Variants in FBXO34 observed in about 807,000 individuals in gnomAD.
FBXO34 encodes the protein F-box only protein 34.
Under a neutral mutation model 24.5 loss-of-function variants are expected in FBXO34, and 12 were observed. The ratio of observed to expected loss-of-function variants is 0.49; its 90% CI spans 0.31 to 0.79. The LOEUF is 0.79. Among genes scored for constraint, FBXO34 ranks in the 30% least tolerant of loss-of-function variants. FBXO34 has a pLI of 0.04. For synonymous variants in FBXO34, 320 were observed against 311.9 expected (o/e 1.03, Z -0.27); for missense variants, 823 against 857.7 (o/e 0.96, Z 0.51).
At chr14:55,411,582 G>C in the FBXO34 span, 1 of 1,589,806 alleles carries the variant, frequency 6.3e-7, no homozygotes, top group Non-Finnish European at 8.6e-7. Context: ...GAAACAATAG[G>C]GCCGTGGCGG....
chr14:55,304,436 C>G (rs1293565717), intron 1 of FBXO34, among the ~76,000 whole-genome samples: 1 of 152,012 alleles, frequency 6.6e-6, no homozygotes, highest in Non-Finnish European at 1.5e-5. Flanking sequence ...TCAAGCAGTC[C>G]TCCCTCTTCA....
At chr14:55,383,584 A>C in the FBXO34 span, among the ~76,000 whole-genome samples, 1 of 151,436 alleles carries the variant, frequency 6.6e-6, no homozygotes, top group South Asian at 2.1e-4. Context: ...AACAACAACA[A>C]CAACAAAAAA....
downstream of FBXO34, among the ~76,000 whole-genome samples, chr14:55,374,194 T>C (rs903778704): frequency 2.6e-5 from 4 of 151,428 alleles, no homozygotes; most frequent in African/African-American, 9.7e-5. Flanking sequence ...GAATTGCATT[T>C]TAAGTTTTTT....
downstream of FBXO34, among the ~76,000 whole-genome samples, chr14:55,371,907 G>A (rs1884827547): frequency 6.6e-6 from 1 of 152,196 alleles, no homozygotes; most frequent in South Asian, 2.1e-4. Flanking sequence ...GGTGAAAGGA[G>A]TAGGACTTTC....
intron 1 of FBXO34, among the ~76,000 whole-genome samples, chr14:55,336,465 T>A (rs1883777715): frequency 6.6e-6 from 1 of 152,168 alleles, no homozygotes; most frequent in Admixed American, 6.5e-5. Context: ...AATCGGACAG[T>A]TTGTGGGTCT....
downstream of FBXO34, chr14:55,369,522 C>CCAGA: frequency 3.4e-6 from 4 of 1,191,210 alleles, no homozygotes; most frequent in Non-Finnish European, 4.6e-6. Flanking sequence ...CCTCTTTGTT[C>CCAGA]CAGACACTAT....
At chr14:55,295,720 T>C (rs1389861262) in intron 1 of FBXO34, among the ~76,000 whole-genome samples, 1 of 152,226 alleles carries the variant, frequency 6.6e-6, no homozygotes, top group Non-Finnish European at 1.5e-5. Context: ...TCGCCATTTT[T>C]TCTTGCAGAA....
At chr14:55,314,567 G>A (rs1023730963) in intron 1 of FBXO34, among the ~76,000 whole-genome samples, 9 of 152,074 alleles carry the variant, frequency 5.9e-5, no homozygotes, top group Non-Finnish European at 1.0e-4. Flanking sequence ...TGAAAATAAG[G>A]GAGTTACAGA....
At chr14:55,288,371 A>G (rs1324102894) in intron 1 of FBXO34, among the ~76,000 whole-genome samples, 3 of 152,362 alleles carry the variant, frequency 2.0e-5, no homozygotes, top group Middle Eastern at 3.4e-3. Context: ...ACATACACTA[A>G]TCATAGCTGG....
At chr14:55,419,418 G>A in the FBXO34 span, among the ~76,000 whole-genome samples, 718 of 152,312 alleles carry the variant, frequency 4.7e-3, 5 homozygotes, top group African/African-American at 0.017. Context: ...TGACATATTT[G>A]CTGTTTGTTA....
At chr14:55,412,122 T>C in the FBXO34 span, among the ~76,000 whole-genome samples, 1 of 152,220 alleles carries the variant, frequency 6.6e-6, no homozygotes, top group East Asian at 1.9e-4. Flanking sequence ...TGTAATACCA[T>C]ACCCTAAGGA....
In FBXO34 at chr14:55,351,625, T is replaced by C. The variant is rs1214927715; in HGVS notation, c.1235T>C (p.Val412Ala). 33 of 1,614,152 alleles carry C rather than the reference T, an allele frequency of 2.0e-5. No individual in the cohort carries two copies. Among genetic ancestry groups the C allele is most frequent in the Non-Finnish European group, 2.6e-5 (31 of 1,180,022 alleles). Residue 412 changes from valine (V) to alanine (A), a missense_variant, in exon 2 of 2, where the codon GTT (valine) becomes GCT (alanine). Transcript: ENST00000313833. The stretch of plus-strand genomic sequence containing the variant: ...GATGTGGAAATGACAGATGAACTCG[T>C]TGGGTTACCTTTTTCCTCTCATACC... ...RYDVEMTDEL[V>A]GLPFSSHTYS...
chr14:55,350,703 C>T lies in FBXO34; in HGVS notation c.313C>T (p.Leu105Phe). The T allele has an allele frequency of 6.2e-7, 1 of 1,613,518 alleles. No homozygotes were observed. The highest frequency in any genetic ancestry group is 8.5e-7 in the Non-Finnish European group (1 of 1,179,898). ...TIHQGEEEGP[L>F]DIWAVVKPGN... ...CCACCAGGGCGAAGAAGAAGGACCA[C>T]TTGATATCTGGGCTGTTGTGAAACC... Residue 105 changes from leucine to phenylalanine, a missense_variant, in exon 2 of 2, where the codon CTT (leucine) becomes TTT (phenylalanine). This residue lies in a region of FBXO34 where 693 missense variants were observed against 659.1 expected (regional missense o/e 1.05). Coordinates refer to ENST00000313833, the MANE Select transcript of FBXO34 (RefSeq NM_017943.4).
At chr14:55,382,803 C>T in the FBXO34 span, among the ~76,000 whole-genome samples, 1 of 152,140 alleles carries the variant, frequency 6.6e-6, no homozygotes. Context: ...GTCTCAACAC[C>T]TCTCTACGTG....
chr14:55,402,943 ATATATATATATATATATATATAT>A, the FBXO34 span, among the ~76,000 whole-genome samples: 11 of 60,994 alleles, frequency 1.8e-4, no homozygotes, highest in African/African-American at 6.3e-4. Context: ...ATATATATAT[ATATATATATATATATATATATAT>A]ATAAATAGCT....
chr14:55,367,195 T>C (rs1939850257), exon 3 of FBXO34: 1 of 152,244 alleles, frequency 6.6e-6, no homozygotes, highest in Non-Finnish European at 1.5e-5. Flanking sequence ...AAACCATGAC[T>C]GTTGTGCATC....
chr14:55,348,377 T>A (rs1884229153), intron 1 of FBXO34, among the ~76,000 whole-genome samples: 1 of 152,130 alleles, frequency 6.6e-6, no homozygotes, highest in Non-Finnish European at 1.5e-5. Flanking sequence ...TACAGGCACG[T>A]GCCGTCACAC....
At chr14:55,299,692 T>A (rs1373696799) in intron 1 of FBXO34, among the ~76,000 whole-genome samples, 1 of 152,198 alleles carries the variant, frequency 6.6e-6, no homozygotes, top group Non-Finnish European at 1.5e-5. Flanking sequence ...AAATAAATAT[T>A]GAAAATATTA....
At chr14:55,384,805 G>A in the FBXO34 span, among the ~76,000 whole-genome samples, 1 of 152,224 alleles carries the variant, frequency 6.6e-6, no homozygotes, top group Admixed American at 6.5e-5. Flanking sequence ...AGAGCAGCCT[G>A]GTGGCTTGTG....
Sources: gnomAD v4.1 joint callset for allele counts (sites outside exome capture counted in the v4.1 genomes callset) on GRCh38, gnomAD v4.1.1 for gene constraint, gnomAD v4.1.1 regional missense constraint, MANE v1.5 for transcripts, NCBI Gene and HGNC (gene_info 2026-07-23, HGNC 2026-07-21) for gene names.